Variants in FAAH2 observed in about 807,000 individuals in gnomAD.
FAAH2 encodes the protein fatty acid amide hydrolase 2.
Under a neutral mutation model 36.9 loss-of-function variants are expected in FAAH2, and 60 were observed. The ratio of observed to expected loss-of-function variants is 1.63; its 90% CI spans 1.32 to 2.02. The LOEUF (loss-of-function observed/expected upper bound fraction) is 2.02, where lower values mean the gene tolerates loss of function less well. Among genes scored for constraint, FAAH2 ranks in the 30% most tolerant of loss-of-function variants. FAAH2 has a pLI of 0.00. For synonymous variants in FAAH2, 214 were observed against 143.8 expected (o/e 1.49, Z -3.49); for missense variants, 689 against 397.5 (o/e 1.73, Z -6.23).
At chrX:57,308,142 C>A (rs1470039132) in intron 2 of FAAH2, among the ~76,000 whole-genome samples, 2 of 111,284 alleles carry the variant, frequency 1.8e-5, no homozygotes, top group Non-Finnish European at 3.8e-5. Flanking sequence ...TATTTATTTT[C>A]TTTTGGGTAT....
intron 5 of FAAH2, among the ~76,000 whole-genome samples, chrX:57,350,056 C>A (rs1432738219): frequency 1.8e-5 from 2 of 110,942 alleles, no homozygotes; most frequent in South Asian, 3.8e-4. Context: ...CTAACAATGA[C>A]CCTCTCAGCA....
At chrX:57,137,580 A>G in the FAAH2 span, 1 of 116,413 alleles carries the variant, frequency 8.6e-6, no homozygotes, top group Admixed American at 9.5e-5. Context: ...CATTCTAATC[A>G]CAGAGCAGAT....
chrX:57,253,975 C>T, the FAAH2 span, among the ~76,000 whole-genome samples: 1 of 111,074 alleles, frequency 9.0e-6, no homozygotes, highest in Non-Finnish European at 1.9e-5. Context: ...AAACACAAAT[C>T]TTTATCCAAT....
In FAAH2 at chrX:57,378,728, C is replaced by A; in HGVS notation, c.820C>A (p.Arg274Ser). Reference sequence around the variant, plus strand: ...GTTTCTGTGCACTGGTCCTATGTGCCGTTATGCTGAAGACCTGGCCCCCAT... The same window carrying A: ...GTTTCTGTGCACTGGTCCTATGTGCAGTTATGCTGAAGACCTGGCCCCCAT... The part of the protein sequence containing the change: ...ELFLCTGPMC[R>S]YAEDLAPMLK... The change falls in exon 6 of 11, where the codon CGT (arginine) becomes AGT (serine). Residue 274 changes from arginine (R) to serine (S), a missense_variant. Physicochemically the swap from Arg to Ser is moderately radical, Grantham distance 110. Transcript: ENST00000374900. The A allele has an allele frequency of 8.3e-7, 1 of 1,209,941 alleles. No homozygotes were observed. The highest frequency in any genetic ancestry group is 3.0e-5 in the East Asian group (1 of 33,780).
chrX:57,131,079 CT>C, the FAAH2 span, among the ~76,000 whole-genome samples: 41 of 90,207 alleles, frequency 4.5e-4, no homozygotes, highest in Middle Eastern at 6.3e-3. Flanking sequence ...GGGCCTATTT[CT>C]TTTTTTTTTT....
chrX:57,151,701 T>A, the FAAH2 span, among the ~76,000 whole-genome samples: 3 of 111,128 alleles, frequency 2.7e-5, no homozygotes, highest in Non-Finnish European at 5.7e-5. Flanking sequence ...TTGCCATTGG[T>A]TTGAATTTCC....
intron 10 of FAAH2, among the ~76,000 whole-genome samples, chrX:57,475,159 A>T (rs1485059605): frequency 9.0e-6 from 1 of 111,654 alleles, no homozygotes; most frequent in Non-Finnish European, 1.9e-5. Flanking sequence ...GTTCACTCTG[A>T]TGCTAATTTC....
the FAAH2 span, among the ~76,000 whole-genome samples, chrX:57,193,491 T>C: frequency 1.8e-5 from 2 of 111,870 alleles, no homozygotes; most frequent in Admixed American, 1.9e-4. Context: ...GCATGTGATC[T>C]CTGTGACCCA....
chrX:57,305,418 A>C, intron 2 of FAAH2, among the ~76,000 whole-genome samples: 1 of 111,251 alleles, frequency 9.0e-6, no homozygotes. Context: ...CTACCTTCTA[A>C]ATATCTCTCT....
chrX:57,179,205 A>T, the FAAH2 span, among the ~76,000 whole-genome samples: 1 of 111,651 alleles, frequency 9.0e-6, no homozygotes, highest in African/African-American at 3.3e-5. Flanking sequence ...GTATAAAGCA[A>T]CTATACAAAA....
intron 5 of FAAH2, among the ~76,000 whole-genome samples, chrX:57,361,001 T>A (rs2054274106): frequency 8.9e-6 from 1 of 112,104 alleles, no homozygotes; most frequent in Non-Finnish European, 1.9e-5. Context: ...GCAAAGGACA[T>A]GATCTCATTC....
At position 57,304,939 on chromosome X, in the gene FAAH2, T is replaced by C. The variant is rs765360340; in HGVS notation, c.276-5654T>C. Among the ~76,000 whole-genome samples the C allele has an allele frequency of 4.5e-5, 5 of 111,952 alleles. No individual in the cohort carries two copies. The South Asian group carries it at 1.5e-3, about 34-fold the overall frequency. On this transcript the variant is annotated intron_variant, in intron 2 of 10. Transcript: ENST00000374900. The stretch of plus-strand genomic sequence containing the variant: ...GTTGGTCTTATTATCAAAATGATAA[T>C]TGTCCTGTTCTTGAAGTCATTGCTA...
the FAAH2 span, among the ~76,000 whole-genome samples, chrX:57,227,370 G>A: frequency 1.3e-4 from 15 of 111,121 alleles, no homozygotes; most frequent in Non-Finnish European, 2.6e-4. Context: ...CCCCCTTTTC[G>A]TGTGGATGTG....
Position 57,310,604 on chromosome X carries a change from C to A in FAAH2, c.287C>A (p.Ala96Glu), listed in dbSNP as rs752995399. The change falls in exon 3 of 11, where the codon GCG becomes GAG. Residue 96 changes from alanine (A) to glutamate (E), a missense_variant. Transcript: ENST00000374900. ...TTATTTCTTCTTAGGTTTGAGGAAGCGATGAAGGAGGCTCATGCTGTAGAT... is the reference window on the plus strand; with the variant it reads ...TTATTTCTTCTTAGGTTTGAGGAAGAGATGAAGGAGGCTCATGCTGTAGAT... Reference protein sequence around the residue: ...NGIVKYRFEEAMKEAHAVDQK... With the variant: ...NGIVKYRFEEEMKEAHAVDQK... 2 of 1,201,323 alleles carry A rather than the reference C, an allele frequency of 1.7e-6. No individual in the cohort carries two copies. Among genetic ancestry groups the A allele is most frequent in the Non-Finnish European group, 2.2e-6 (2 of 891,755 alleles).
chrX:57,165,549 G>A, the FAAH2 span, among the ~76,000 whole-genome samples: 3 of 109,997 alleles, frequency 2.7e-5, no homozygotes, highest in South Asian at 7.9e-4. Flanking sequence ...GTGGGGTTGG[G>A]GGAGGGTGGA....
chrX:57,352,026 A>G (rs2054012504), intron 5 of FAAH2, among the ~76,000 whole-genome samples: 3 of 12,383 alleles, frequency 2.4e-4, no homozygotes, highest in South Asian at 0.024. Context: ...GTGTGTATAT[A>G]TATATATATA....
chrX:57,259,427 C>T, the FAAH2 span, among the ~76,000 whole-genome samples: 2 of 111,612 alleles, frequency 1.8e-5, no homozygotes, highest in Non-Finnish European at 3.8e-5. Context: ...TGTGTGCATG[C>T]AGTGGAATAT....
At position 57,427,305 on chromosome X, in the gene FAAH2, A is replaced by T. The variant is rs1039774358; in HGVS notation, c.997-4613A>T. 3.6e-5 allele frequency among the ~76,000 whole-genome samples: 4 copies of T among 111,155 alleles called. No individual in the cohort carries two copies. The East Asian group carries it at 1.1e-3, about 31-fold the overall frequency. On this transcript the variant is annotated intron_variant, in intron 7 of 10. Transcript: ENST00000374900. ...CCAAATGGATTTACAGCTCAATTCT[A>T]CCCAATGTGCAAAGCAGAACTTATT...
chrX:57,412,788 G>T (rs1303043828), intron 7 of FAAH2, among the ~76,000 whole-genome samples: 1 of 111,524 alleles, frequency 9.0e-6, no homozygotes, highest in Non-Finnish European at 1.9e-5. Context: ...AGATCCTCGA[G>T]GAATCACCAC....
Sources: gnomAD v4.1 joint callset for allele counts (sites outside exome capture counted in the v4.1 genomes callset) on GRCh38, gnomAD v4.1.1 for gene constraint, MANE v1.5 for transcripts, NCBI Gene and HGNC (gene_info 2026-07-23, HGNC 2026-07-21) for gene names.